The following XKRX variants were observed in gnomAD, a reference collection of about 807,000 sequenced individuals.
The protein encoded by XKRX is XK-related protein 2.
XKRX carries 11 observed loss-of-function variants against 22.4 expected under a neutral mutation model. The observed-to-expected ratio is 0.49, with a 90% confidence interval of 0.31 to 0.81. XKRX has a LOEUF of 0.81. Among genes scored for constraint, XKRX ranks in the 40% least tolerant of loss-of-function variants. The pLI is 0.05. For missense variants in XKRX, 320 were observed against 336.5 expected, an observed-to-expected ratio of 0.95 and a Z score of 0.38; for synonymous variants, 114 against 132.2, an observed-to-expected ratio of 0.86 and a Z score of 0.94.
At chrX:100,952,138 C>G in the XKRX span, among the ~76,000 whole-genome samples, 1 of 110,637 alleles carries the variant, frequency 9.0e-6, no homozygotes, top group African/African-American at 3.3e-5. Flanking sequence ...TCTAGGTATA[C>G]AAGTCTGGTT....
the XKRX span, among the ~76,000 whole-genome samples, chrX:100,903,650 G>A: frequency 6.2e-3 from 690 of 111,824 alleles, 3 homozygotes; most frequent in African/African-American, 0.021. Flanking sequence ...ATTCTAACAG[G>A]TGTGTAGTAG....
the XKRX span, among the ~76,000 whole-genome samples, chrX:100,900,858 C>G: frequency 9.8e-6 from 1 of 101,539 alleles, no homozygotes; most frequent in Non-Finnish European, 2.0e-5. Context: ...GTCACGATCT[C>G]GGCTCACTGC....
chrX:100,930,319 A>ATG (rs1569456651), upstream of XKRX, among the ~76,000 whole-genome samples: 139 of 80,309 alleles, frequency 1.7e-3, no homozygotes, highest in African/African-American at 6.6e-3. Context: ...TAATAATAAT[A>ATG]ATAATAATGA....
chrX:100,899,168 AC>A, the XKRX span, among the ~76,000 whole-genome samples: 1 of 112,782 alleles, frequency 8.9e-6, no homozygotes, highest in Non-Finnish European at 1.9e-5. Context: ...TCCTGAGGAA[AC>A]CCAGGTAGTG....
At chrX:100,943,143 G>C in the XKRX span, among the ~76,000 whole-genome samples, 1 of 111,518 alleles carries the variant, frequency 9.0e-6, no homozygotes, top group Non-Finnish European at 1.9e-5. Flanking sequence ...TGTGTATTTA[G>C]TGAGAGCTCT....
At chrX:100,898,884 C>T in the XKRX span, among the ~76,000 whole-genome samples, 79 of 111,200 alleles carry the variant, frequency 7.1e-4, no homozygotes, top group Non-Finnish European at 1.3e-3. Context: ...CATCAAAACA[C>T]TTGCTGACCA....
intron 2 of XKRX, among the ~76,000 whole-genome samples, chrX:100,915,492 C>T (rs1164906467): frequency 9.0e-6 from 1 of 110,804 alleles, no homozygotes; most frequent in Non-Finnish European, 1.9e-5. Flanking sequence ...TGGAGGTTCT[C>T]CAAAAAAATT....
At chrX:100,950,085 C>T in the XKRX span, among the ~76,000 whole-genome samples, 1 of 111,417 alleles carries the variant, frequency 9.0e-6, no homozygotes, top group African/African-American at 3.3e-5. Flanking sequence ...AGAGAGAAAA[C>T]AGACTAAAAA....
chrX:100,901,367 T>C, the XKRX span, among the ~76,000 whole-genome samples: 1 of 111,659 alleles, frequency 9.0e-6, no homozygotes, highest in East Asian at 2.8e-4. Context: ...GCTATATTAA[T>C]TTCAGAAAAA....
At chrX:100,894,389 T>C in the XKRX span, among the ~76,000 whole-genome samples, 2 of 112,170 alleles carry the variant, frequency 1.8e-5, no homozygotes, top group Admixed American at 9.5e-5. Context: ...ATTTTGTCAA[T>C]CATACCTTAA....
the XKRX span, among the ~76,000 whole-genome samples, chrX:100,942,465 G>C: frequency 9.0e-6 from 1 of 111,648 alleles, no homozygotes; most frequent in Admixed American, 9.5e-5. Context: ...AACAGCCTGG[G>C]GAATTTAAAG....
the XKRX span, among the ~76,000 whole-genome samples, chrX:100,940,477 A>G: frequency 1.8e-5 from 2 of 111,808 alleles, no homozygotes; most frequent in African/African-American, 3.3e-5. Flanking sequence ...TGTGAAGTTC[A>G]TATCTGAACT....
intron 2 of XKRX, 42 bp from the exon 3 acceptor site, chrX:100,915,125 A>G: frequency 8.6e-7 from 1 of 1,168,959 alleles, no homozygotes; most frequent in Non-Finnish European, 1.1e-6. Context: ...GCAATCAGTC[A>G]ATGTTGGTAA....
In XKRX at chrX:100,917,674, A is replaced by AAAAGAAAGAAAGAAAG. The variant is rs1556193930; in HGVS notation, c.605-2607_605-2592dup. On this transcript the variant is annotated intron_variant, in intron 2 of 2. Coordinates refer to ENST00000372956, the MANE Select transcript of XKRX (RefSeq NM_212559.3). ...GAAAGAAAGAAAGAAAGAAAGAAAGAAAAGAAAGAAAGAAAGAAAGAAAGA... is the reference window on the plus strand; with the variant it reads ...GAAAGAAAGAAAGAAAGAAAGAAAGAAAAGAAAGAAAGAAAGAAAGAAAGAAAGAAAGAAAGAAAGA... Among the ~76,000 whole-genome samples the AAAAGAAAGAAAGAAAG allele has an allele frequency of 5.5e-3, 139 of 25,402 alleles. 5 individuals carry two copies. The highest frequency in any genetic ancestry group is 0.012 in the African/African-American group (70 of 5,637). The allele number at this position is 25,402 out of a possible 115,157, so 22.1% of individuals were successfully genotyped here.
intron 1 of XKRX, among the ~76,000 whole-genome samples, 156 bp downstream of exon 1, chrX:100,927,814 G>A (rs143377805): frequency 1.8e-5 from 2 of 111,433 alleles, no homozygotes; most frequent in Non-Finnish European, 3.8e-5. Flanking sequence ...AAGATTTCAG[G>A]TAAGTTTTCT....
chrX:100,929,647 T>C (rs2085514441), upstream of XKRX, among the ~76,000 whole-genome samples: 1 of 111,362 alleles, frequency 9.0e-6, no homozygotes, highest in African/African-American at 3.3e-5. Context: ...GGAGGGAAGA[T>C]AGAACAGGAT....
At chrX:100,953,331 T>C in the XKRX span, among the ~76,000 whole-genome samples, 2 of 110,038 alleles carry the variant, frequency 1.8e-5, no homozygotes, top group Non-Finnish European at 3.8e-5. Context: ...CAAAAAACAC[T>C]AAACTAAACT....
the XKRX span, chrX:100,957,491 G>A: frequency 4.6e-5 from 55 of 1,189,268 alleles, no homozygotes; most frequent in Middle Eastern, 2.3e-4. Flanking sequence ...AAATAGAGAC[G>A]CATCTTCATA....
chrX:100,925,122 C>T (rs1238292319), intron 1 of XKRX, among the ~76,000 whole-genome samples: 1 of 112,318 alleles, frequency 8.9e-6, no homozygotes, highest in African/African-American at 3.2e-5. Flanking sequence ...TTAACCCCAA[C>T]CCATCAGTAC....
Sources: allele counts gnomAD v4.1 joint callset (sites outside exome capture counted in the v4.1 genomes callset), GRCh38; gene constraint gnomAD v4.1.1; transcripts MANE v1.5; gene names NCBI Gene and HGNC (gene_info 2026-07-23, HGNC 2026-07-21).